Variants in NHS observed in about 807,000 individuals in gnomAD.
NHS encodes NHS actin remodeling regulator, also known as actin remodeling regulator NHS.
A neutral mutation model predicts 72.5 loss-of-function variants in NHS; 5 were observed. The ratio of observed to expected loss-of-function variants is 0.07; its 90% CI spans 0.04 to 0.14. The LOEUF is 0.14. Ranked by LOEUF, NHS falls within the 10% of genes least tolerant of loss-of-function variation. The pLI, the probability that NHS is intolerant of heterozygous loss-of-function variation, is 1.00. For missense variants in NHS, 1,072 were observed against 1,355.7 expected, an observed-to-expected ratio of 0.79 and a Z score of 3.29; for synonymous variants, 464 against 547.7, an observed-to-expected ratio of 0.85 and a Z score of 2.13.
At chrX:17,518,053 G>GA (rs1386915769) in intron 1 of NHS, among the ~76,000 whole-genome samples, 2 of 111,882 alleles carry the variant, frequency 1.8e-5, no homozygotes, top group Non-Finnish European at 3.8e-5. Context: ...TCTTGCTCAT[G>GA]AAAAATGTCT....
chrX:17,549,706 T>G (rs1433470288), intron 1 of NHS, among the ~76,000 whole-genome samples: 1 of 111,590 alleles, frequency 9.0e-6, no homozygotes, highest in Non-Finnish European at 1.9e-5. Flanking sequence ...AAGAGGAAGC[T>G]CAGGATGATC....
At chrX:17,440,588 T>C (rs1297129588) in intron 1 of NHS, among the ~76,000 whole-genome samples, 1 of 111,992 alleles carries the variant, frequency 8.9e-6, no homozygotes, top group Non-Finnish European at 1.9e-5. Flanking sequence ...CTTGCTCTTC[T>C]TGTATGCCTC....
intron 1 of NHS, among the ~76,000 whole-genome samples, chrX:17,481,222 C>T (rs765084851): frequency 2.7e-5 from 3 of 111,663 alleles, no homozygotes; most frequent in Non-Finnish European, 5.6e-5. Flanking sequence ...ATGAATAAGG[C>T]GGTGTCCGTA....
chrX:17,477,377 A>G (rs929645883), intron 1 of NHS, among the ~76,000 whole-genome samples: 2 of 111,883 alleles, frequency 1.8e-5, no homozygotes, highest in African/African-American at 6.5e-5. Flanking sequence ...AGGAATAGCA[A>G]GGAGCCCGGT....
At chrX:17,723,694 C>CTTA (rs1488486327) in intron 5 of NHS, among the ~76,000 whole-genome samples, 1 of 105,836 alleles carries the variant, frequency 9.4e-6, no homozygotes, top group Non-Finnish European at 1.9e-5. Flanking sequence ...AAAACAAATC[C>CTTA]TTAGACTGTT....
At chrX:17,527,896 T>A (rs1337316797) in intron 1 of NHS, among the ~76,000 whole-genome samples, 1 of 63,497 alleles carries the variant, frequency 1.6e-5, no homozygotes, top group Admixed American at 2.0e-4. Flanking sequence ...GCCGAGTCTG[T>A]GGGTTGCACG....
chrX:17,661,706 C>G (rs1171606651), intron 1 of NHS, among the ~76,000 whole-genome samples: 1 of 111,641 alleles, frequency 9.0e-6, no homozygotes, highest in Non-Finnish European at 1.9e-5. Flanking sequence ...CTGTCTACCC[C>G]TCTTCATCAG....
intron 1 of NHS, among the ~76,000 whole-genome samples, chrX:17,515,646 A>C (rs1317484673): frequency 8.9e-6 from 1 of 112,308 alleles, no homozygotes; most frequent in Non-Finnish European, 1.9e-5. Context: ...AATGACTAAA[A>C]TGTTAACATG....
chrX:17,621,398 A>G (rs1237215859), intron 1 of NHS, among the ~76,000 whole-genome samples: 5 of 112,266 alleles, frequency 4.5e-5, no homozygotes, highest in Non-Finnish European at 9.4e-5. Flanking sequence ...CATAGAGGAG[A>G]CATTTAATAT....
Position 17,440,163 on chromosome X carries a change from G to T in NHS, c.565+63841G>T, listed in dbSNP as rs1028236516. ...TAATCCCAGCTACTCAGAGGCCAAG[G>T]TGGGAGAATTGCTTGAACCCAGGAG... On this transcript the variant is annotated intron_variant, in intron 1 of 8. Transcript: ENST00000676302. 7.5e-5 allele frequency among the ~76,000 whole-genome samples: 8 copies of T among 107,140 alleles called. No individual in the cohort carries two copies. In the East Asian group the frequency reaches 2.1e-3, roughly 28 times the overall value. The allele number at this position is 107,140 out of a possible 115,157, so 93.0% of individuals were successfully genotyped here.
At chrX:17,464,120 G>T (rs112466577) in intron 1 of NHS, among the ~76,000 whole-genome samples, 1 of 112,076 alleles carries the variant, frequency 8.9e-6, no homozygotes, top group Non-Finnish European at 1.9e-5. Flanking sequence ...ACCTGCCTTG[G>T]GGGAGAGGAA....
At chrX:17,450,087 A>G (rs1195292213) in intron 1 of NHS, among the ~76,000 whole-genome samples, 2 of 111,403 alleles carry the variant, frequency 1.8e-5, no homozygotes, top group Non-Finnish European at 3.8e-5. Flanking sequence ...CCTAATTGGA[A>G]CCATAGCTCC....
At chrX:17,513,154 G>T (rs1569270414) in intron 1 of NHS, among the ~76,000 whole-genome samples, 1 of 111,773 alleles carries the variant, frequency 8.9e-6, no homozygotes, top group Non-Finnish European at 1.9e-5. Context: ...GTAAATGCTC[G>T]GTTTCTTCAT....
intron 1 of NHS, among the ~76,000 whole-genome samples, chrX:17,485,050 A>G (rs1216987122): frequency 9.0e-6 from 1 of 111,628 alleles, no homozygotes; most frequent in Non-Finnish European, 1.9e-5. Context: ...CATTGCACAT[A>G]TTGGCAGCTC....
Position 17,721,587 on chromosome X carries a change from A to G in NHS, c.1062A>G (p.Gln354=). 1 of 1,211,464 alleles carries G rather than the reference A, an allele frequency of 8.3e-7. No individual in the cohort carries two copies. Among genetic ancestry groups the G allele is most frequent in the East Asian group, 3.0e-5 (1 of 33,818 alleles). The change falls in exon 5 of 9, where the codon CAA becomes CAG. Residue 354 remains glutamine, a synonymous_variant. Transcript: ENST00000676302. ...PLPTPEEKMK[Q]DAQVISSCII... Reference sequence around the variant, plus strand: ...CGACGCCAGAGGAGAAGATGAAACAAGATGCCCAAGTGATTTCTTCTTGCA... The same window carrying G: ...CGACGCCAGAGGAGAAGATGAAACAGGATGCCCAAGTGATTTCTTCTTGCA...
At chrX:17,592,055 C>T (rs1363951826) in intron 1 of NHS, among the ~76,000 whole-genome samples, 11 of 111,346 alleles carry the variant, frequency 9.9e-5, no homozygotes, top group African/African-American at 3.6e-4. Flanking sequence ...CATGCAAATA[C>T]ACATATGTAT....
Position 17,692,523 on chromosome X carries a change from T to C in NHS, c.852+55T>C. The C allele has an allele frequency of 3.3e-6, 4 of 1,200,950 alleles. No individual in the cohort carries two copies. The South Asian group carries it at 7.1e-5, about 21-fold the overall frequency. On this transcript the variant is annotated intron_variant, in intron 3 of 8. Coordinates refer to ENST00000676302, the MANE Select transcript of NHS (RefSeq NM_001291867.2). ...GCTTGCTGCTGAGGAAACATCAGTT[T>C]GTCTGGGAGTCAGTTTCCTGCCTCC...
chrX:17,512,695 A>C (rs1003081971), intron 1 of NHS, among the ~76,000 whole-genome samples: 1 of 112,891 alleles, frequency 8.9e-6, no homozygotes, highest in Admixed American at 9.3e-5. Flanking sequence ...CTAATGTATC[A>C]GTCACACTGG....
intron 1 of NHS, among the ~76,000 whole-genome samples, chrX:17,596,033 C>T (rs939863771): frequency 2.3e-5 from 2 of 87,036 alleles, no homozygotes; most frequent in African/African-American, 8.2e-5. Flanking sequence ...TTACCTACTC[C>T]CTCCCTCCAA....
Sources: allele counts gnomAD v4.1 joint callset (sites outside exome capture counted in the v4.1 genomes callset), GRCh38; gene constraint gnomAD v4.1.1; transcripts MANE v1.5; gene names NCBI Gene and HGNC (gene_info 2026-07-23, HGNC 2026-07-21).